Variants in CIB4 observed in about 807,000 individuals in gnomAD.
CIB4 encodes calcium and integrin binding family member 4.
In CIB4, 25 loss-of-function variants were observed where a neutral mutation model predicts 25.8. That is an observed-to-expected ratio of 0.97 (90% CI 0.71 to 1.35). The LOEUF (loss-of-function observed/expected upper bound fraction) is 1.35. Ranked by LOEUF, CIB4 falls within the 40% of genes most tolerant of loss-of-function variation. The pLI is 0.00. For missense variants in CIB4, 235 were observed against 228.2 expected, an observed-to-expected ratio of 1.03 and a Z score of -0.19; for synonymous variants, 75 against 81.4, an observed-to-expected ratio of 0.92 and a Z score of 0.42.
chr2:26,595,643 C>G (rs183880318), intron 3 of CIB4, among the ~76,000 whole-genome samples: 17 of 152,354 alleles, frequency 1.1e-4, no homozygotes, highest in Admixed American at 9.1e-4. Flanking sequence ...GAGTCCTTCT[C>G]TATGAGGTAG....
intron 6 of CIB4, among the ~76,000 whole-genome samples, 192 bp from the exon 7 acceptor site, chr2:26,581,585 A>C (rs1668344770): frequency 6.6e-6 from 1 of 152,192 alleles, no homozygotes; most frequent in Admixed American, 6.5e-5. Flanking sequence ...CATCACCCCA[A>C]GGCAAAGGCA....
At chr2:26,589,477 A>T (rs1668545301) in intron 4 of CIB4, among the ~76,000 whole-genome samples, 1 of 152,094 alleles carries the variant, frequency 6.6e-6, no homozygotes, top group South Asian at 2.1e-4. Context: ...GCCTGCCACC[A>T]TGCCTAGCTA....
At chr2:26,618,781 A>C (rs1669145202) in intron 3 of CIB4, among the ~76,000 whole-genome samples, 1 of 152,162 alleles carries the variant, frequency 6.6e-6, no homozygotes, top group Non-Finnish European at 1.5e-5. Context: ...TCATGGAGGA[A>C]GAAGTTGTGC....
At chr2:26,639,822 C>A (rs987834478) in intron 2 of CIB4, among the ~76,000 whole-genome samples, 11 of 152,002 alleles carry the variant, frequency 7.2e-5, no homozygotes, top group African/African-American at 2.7e-4. Context: ...GGGAACCTTC[C>A]CCCACCTTCC....
intron 3 of CIB4, among the ~76,000 whole-genome samples, chr2:26,613,214 C>T (rs1669030031): frequency 6.6e-6 from 1 of 152,198 alleles, no homozygotes; most frequent in South Asian, 2.1e-4. Context: ...TGAGCCTCCT[C>T]TCTCTGTTAG....
In CIB4 at chr2:26,584,484, G is replaced by GA. The variant is rs1349350143; in HGVS notation, c.329-587_329-586insT. On this transcript the variant is annotated intron_variant, in intron 4 of 6. Coordinates refer to ENST00000288861, the MANE Select transcript of CIB4 (RefSeq NM_001029881.3). Reference sequence around the variant, plus strand: ...TGTGCCCTCACCTCTGCAGTGAAGGGGGACAATGGTCCTTGTAGACTGTCC... The same window carrying GA: ...TGTGCCCTCACCTCTGCAGTGAAGGGAGGACAATGGTCCTTGTAGACTGTCC... 5.3e-5 allele frequency among the ~76,000 whole-genome samples: 8 copies of GA among 152,324 alleles called. 2 individuals carry two copies. Among genetic ancestry groups the GA allele is most frequent in the African/African-American group, 1.9e-4 (8 of 41,556 alleles).
chr2:26,634,130 G>C (rs78716463), intron 2 of CIB4, among the ~76,000 whole-genome samples: 3,236 of 152,214 alleles, frequency 0.021, 114 homozygotes, highest in African/African-American at 0.075. Flanking sequence ...CCAGGATAGA[G>C]CCCGAGGCAC....
chr2:26,595,947 A>G (rs1668675194), intron 3 of CIB4, among the ~76,000 whole-genome samples: 1 of 152,192 alleles, frequency 6.6e-6, no homozygotes, highest in Admixed American at 6.5e-5. Flanking sequence ...TCTTATAGAG[A>G]CTGAAAACAG....
intron 2 of CIB4, among the ~76,000 whole-genome samples, chr2:26,632,725 G>T (rs889754478): frequency 5.4e-5 from 8 of 149,304 alleles, no homozygotes; most frequent in Admixed American, 4.0e-4. Flanking sequence ...GCCATTGCAC[G>T]CCAGCTTGGG....
chr2:26,625,385 C>G (rs1669283541), intron 3 of CIB4, among the ~76,000 whole-genome samples: 1 of 149,268 alleles, frequency 6.7e-6, no homozygotes, highest in Non-Finnish European at 1.5e-5. Context: ...GGAGTTTCGC[C>G]CTTGTTGCCC....
rs138996555 is a variant in CIB4, at chr2:26,599,191, G to A, written c.187-3874C>T. On this transcript the variant is annotated intron_variant, in intron 3 of 6. Coordinates refer to ENST00000288861, the MANE Select transcript of CIB4 (RefSeq NM_001029881.3). The stretch of plus-strand genomic sequence containing the variant: ...TCAAGAATAACATGTACCCTGGTTT[G>A]AGGGCGTTTTGAACAAAGGGAATAC... Among the ~76,000 whole-genome samples the A allele has an allele frequency of 1.1e-3, 162 of 152,280 alleles. 1 individual carries two copies. Among genetic ancestry groups the A allele is most frequent in the African/African-American group, 3.8e-3 (159 of 41,546 alleles).
At chr2:26,639,605 T>C (rs910411856) in intron 2 of CIB4, among the ~76,000 whole-genome samples, 1 of 151,844 alleles carries the variant, frequency 6.6e-6, no homozygotes, top group African/African-American at 2.4e-5. Context: ...AAAAAGTGAG[T>C]GAATATTATT....
At chr2:26,641,097 G>C (rs975413321) in intron 1 of CIB4, among the ~76,000 whole-genome samples, 164 bp downstream of exon 1, 1 of 152,140 alleles carries the variant, frequency 6.6e-6, no homozygotes, top group Admixed American at 6.5e-5. Context: ...ATTAGTGTTA[G>C]TGTATTTTAT....
rs148721754 is a variant in CIB4 at position 26,622,453 on chromosome 2, C to T, written c.186+6957G>A. 4.0e-3 allele frequency among the ~76,000 whole-genome samples: 601 copies of T among 152,054 alleles called. 4 individuals are homozygous for T. Among genetic ancestry groups the T allele is most frequent in the African/African-American group, 0.013 (555 of 41,468 alleles). On this transcript the variant is annotated intron_variant, in intron 3 of 6. Transcript: ENST00000288861. ...TAACTATATTGGGAGGGCAGGGGAA[C>T]AAGGAGTGAGGAATAGGATGGGTGT...
rs370969445 is a variant in CIB4 at position 26,582,900 on chromosome 2, G to A, written c.452C>T (p.Ser151Leu). Residue 151 changes from serine to leucine, a missense_variant, in exon 6 of 7, where the codon TCG (serine) becomes TTG (leucine). By Grantham distance (145) the Ser-to-Leu change is moderately radical. Coordinates refer to ENST00000288861, the MANE Select transcript of CIB4 (RefSeq NM_001029881.3). ...CAGCATGTTGTCATTGTCCAGATCC[G>A]ACTCACTCAGGACCTGGCGAGGGAG... ...MDLTNHVLSE[S>L]DLDNDNMLSF... 33 of 1,612,240 alleles carry A rather than the reference G, an allele frequency of 2.0e-5. No homozygotes were observed. The East Asian group carries it at 4.2e-4, about 21-fold the overall frequency.
intron 3 of CIB4, among the ~76,000 whole-genome samples, chr2:26,610,774 C>T (rs1187947758): frequency 6.6e-6 from 1 of 152,158 alleles, no homozygotes; most frequent in Non-Finnish European, 1.5e-5. Context: ...TACAAGAAAC[C>T]AAGCAGTCAA....
chr2:26,594,706 G>C (rs775363633), intron 4 of CIB4, among the ~76,000 whole-genome samples: 1 of 152,138 alleles, frequency 6.6e-6, no homozygotes, highest in Non-Finnish European at 1.5e-5. Flanking sequence ...CCGAGACAGA[G>C]ACAGAGACCA....
At chr2:26,618,318 C>T (rs1179392915) in intron 3 of CIB4, among the ~76,000 whole-genome samples, 1 of 152,174 alleles carries the variant, frequency 6.6e-6, no homozygotes, top group Non-Finnish European at 1.5e-5. Context: ...CAGAATCTCA[C>T]TCTGTCACCC....
intron 3 of CIB4, among the ~76,000 whole-genome samples, chr2:26,625,541 G>T (rs942024663): frequency 2.0e-5 from 3 of 151,982 alleles, no homozygotes; most frequent in Non-Finnish European, 4.4e-5. Context: ...TAGTAGAGAC[G>T]GGGTTTTTCC....
Sources: gnomAD v4.1 joint callset for allele counts (sites outside exome capture counted in the v4.1 genomes callset) on GRCh38, gnomAD v4.1.1 for gene constraint, MANE v1.5 for transcripts, NCBI Gene and HGNC (gene_info 2026-07-23, HGNC 2026-07-21) for gene names.